Variants in CNTN4 observed in about 807,000 individuals in gnomAD.
CNTN4 encodes the protein contactin 4.
In CNTN4, 77 loss-of-function variants were observed where a neutral mutation model predicts 122.5. That is an observed-to-expected ratio of 0.63 (90% CI 0.52 to 0.76). The LOEUF (loss-of-function observed/expected upper bound fraction) is 0.76, where lower values mean the gene tolerates loss of function less well. Among genes scored for constraint, CNTN4 ranks in the 30% least tolerant of loss-of-function variants. The probability of loss-of-function intolerance (pLI) is 0.00; values close to 1 mark genes in which losing one functional copy is unlikely to be tolerated. For synonymous variants in CNTN4, 512 were observed against 447.0 expected (o/e 1.15, Z -1.83); for missense variants, 1,256 against 1,259.1 (o/e 1.00, Z 0.04).
chr3:2,722,871 T>C (rs1172852719), intron 4 of CNTN4, among the ~76,000 whole-genome samples: 1 of 152,180 alleles, frequency 6.6e-6, no homozygotes. Flanking sequence ...GGACAGAATA[T>C]CCCTTCTGTA....
chr3:2,781,806 C>G (rs78068746), intron 6 of CNTN4, among the ~76,000 whole-genome samples: 5,800 of 126,832 alleles, frequency 0.046, 547 homozygotes, highest in African/African-American at 0.13. Context: ...CTCACTGCAA[C>G]CTCCGCCTCC....
At chr3:2,331,368 A>C (rs2043714126) in intron 2 of CNTN4, among the ~76,000 whole-genome samples, 1 of 152,156 alleles carries the variant, frequency 6.6e-6, no homozygotes, top group Middle Eastern at 3.2e-3. Context: ...AAGTGCTCAG[A>C]GTAGGTGTCT....
chr3:2,151,861 T>C lies in CNTN4; in HGVS notation c.-145+51222T>C, dbSNP rs148538218. On this transcript the variant is annotated intron_variant, in intron 2 of 24. Transcript: ENST00000418658. ...AAGGCCCTCACCAGATGTGGCTTCT[T>C]TATTTTGGACTTCTCAGCCTTCATA... Among the ~76,000 whole-genome samples, 242 of 152,316 alleles carry C rather than the reference T, an allele frequency of 1.6e-3. 1 individual carries two copies. Among genetic ancestry groups the C allele is most frequent in the African/African-American group, 5.6e-3 (234 of 41,586 alleles).
chr3:3,014,696 G>A (rs576458289), intron 14 of CNTN4, among the ~76,000 whole-genome samples: 4 of 150,782 alleles, frequency 2.7e-5, no homozygotes, highest in Admixed American at 6.6e-5. Flanking sequence ...CTTGTCTCTT[G>A]GCTTTAACAT....
chr3:2,617,305 A>G (rs1009366039), intron 4 of CNTN4, among the ~76,000 whole-genome samples: 6 of 152,020 alleles, frequency 3.9e-5, no homozygotes, highest in African/African-American at 1.4e-4. Flanking sequence ...GAAAAAAACA[A>G]CCCCATCAAA....
intron 3 of CNTN4, among the ~76,000 whole-genome samples, chr3:2,451,559 T>G (rs2048829943): frequency 6.6e-6 from 1 of 151,824 alleles, no homozygotes; most frequent in Admixed American, 6.6e-5. Flanking sequence ...TCACCAATAT[T>G]AAGGAATTAC....
rs756595187 is a variant in CNTN4 at position 2,483,393 on chromosome 3, T to G, written c.-88-88023T>G. Among the ~76,000 whole-genome samples, 18 of 152,308 alleles carry G rather than the reference T, an allele frequency of 1.2e-4. No homozygotes were observed. In the South Asian group the frequency reaches 1.7e-3, roughly 14 times the overall value. The stretch of plus-strand genomic sequence containing the variant: ...ACCTCATAGGCAGAAGGGACTTGTC[T>G]TCTCTCAGATGACATTTTGGACTTG... On this transcript the variant is annotated intron_variant, in intron 3 of 24. Transcript: ENST00000418658.
chr3:2,939,582 T>A (rs888112592), intron 13 of CNTN4, among the ~76,000 whole-genome samples: 1 of 152,098 alleles, frequency 6.6e-6, no homozygotes, highest in African/African-American at 2.4e-5. Context: ...AATGATCACA[T>A]GTAGTAAGTC....
intron 3 of CNTN4, among the ~76,000 whole-genome samples, chr3:2,363,149 C>G (rs1157408713): frequency 1.3e-5 from 2 of 152,072 alleles, no homozygotes. Flanking sequence ...TCATACTGCA[C>G]CTCTCCATTA....
chr3:2,376,972 A>G (rs1040712245), intron 3 of CNTN4, among the ~76,000 whole-genome samples: 13 of 152,104 alleles, frequency 8.5e-5, no homozygotes, highest in African/African-American at 3.1e-4. Flanking sequence ...CCTGGCCAAC[A>G]TGGTGAAACT....
At chr3:2,381,333 G>C (rs568467523) in intron 3 of CNTN4, among the ~76,000 whole-genome samples, 1 of 151,966 alleles carries the variant, frequency 6.6e-6, no homozygotes, top group Non-Finnish European at 1.5e-5. Flanking sequence ...GAGAGAAATG[G>C]GCCCCAATAT....
At chr3:3,002,044 C>T (rs1574779458) in intron 14 of CNTN4, among the ~76,000 whole-genome samples, 3 of 152,310 alleles carry the variant, frequency 2.0e-5, no homozygotes, top group Admixed American at 6.5e-5. Flanking sequence ...AACAAATTAG[C>T]CCTGTCTTTA....
intron 3 of CNTN4, among the ~76,000 whole-genome samples, chr3:2,418,953 G>A (rs905468969): frequency 6.6e-6 from 1 of 152,156 alleles, no homozygotes; most frequent in Non-Finnish European, 1.5e-5. Flanking sequence ...CTCATGCCAG[G>A]ACAAGGGCAC....
chr3:2,967,484 A>ATGGGGT (rs1293039553), intron 13 of CNTN4, among the ~76,000 whole-genome samples: 1 of 152,106 alleles, frequency 6.6e-6, no homozygotes, highest in East Asian at 1.9e-4. Context: ...CCAGGCAAGA[A>ATGGGGT]TGGGGTTTCT....
chr3:2,897,370 A>C (rs945883060), intron 10 of CNTN4, among the ~76,000 whole-genome samples: 15 of 152,184 alleles, frequency 9.9e-5, no homozygotes, highest in African/African-American at 3.6e-4. Context: ...GGAAGTTCAA[A>C]ACAGATGGTT....
chr3:2,387,477 CATA>C (rs1464458943), intron 3 of CNTN4, among the ~76,000 whole-genome samples: 1 of 152,048 alleles, frequency 6.6e-6, no homozygotes, highest in South Asian at 2.1e-4. Flanking sequence ...TATGATGTTA[CATA>C]ATAATGGCAT....
chr3:2,360,364 C>T (rs1444664584), intron 3 of CNTN4, among the ~76,000 whole-genome samples: 3 of 151,944 alleles, frequency 2.0e-5, no homozygotes, highest in African/African-American at 7.3e-5. Flanking sequence ...CTTTTGCTCC[C>T]CCCACCCCTT....
At chr3:2,611,297 CAAA>C (rs201162114) in intron 4 of CNTN4, among the ~76,000 whole-genome samples, 6 of 62,376 alleles carry the variant, frequency 9.6e-5, no homozygotes, top group Non-Finnish European at 5.7e-5. Context: ...CACCTGGAAC[CAAA>C]AAAAAAAAAA....
At chr3:2,632,704 A>G (rs1023439194) in intron 4 of CNTN4, among the ~76,000 whole-genome samples, 3 of 152,166 alleles carry the variant, frequency 2.0e-5, no homozygotes, top group Non-Finnish European at 4.4e-5. Context: ...TTCCTTTAGC[A>G]CTTACTATAT....
Sources: gnomAD v4.1 joint callset for allele counts (sites outside exome capture counted in the v4.1 genomes callset) on GRCh38, gnomAD v4.1.1 for gene constraint, MANE v1.5 for transcripts, NCBI Gene and HGNC (gene_info 2026-07-23, HGNC 2026-07-21) for gene names.